COLEC10: variants seen among roughly 807,000 people sequenced by gnomAD.
The protein encoded by COLEC10 is collectin subfamily member 10.
A neutral mutation model predicts 28.4 loss-of-function variants in COLEC10; 22 were observed. The observed-to-expected ratio is 0.78, with a 90% confidence interval of 0.55 to 1.11. The LOEUF is 1.11. Among genes scored for constraint, COLEC10 ranks in the 50% least tolerant of loss-of-function variants. The pLI is 0.00. For missense variants in COLEC10, 361 were observed against 344.1 expected, an observed-to-expected ratio of 1.05 and a Z score of -0.39; for synonymous variants, 125 against 116.1, an observed-to-expected ratio of 1.08 and a Z score of -0.49.
chr8:119,077,687 G>A (rs1563736559), intron 1 of COLEC10, among the ~76,000 whole-genome samples: 1 of 152,186 alleles, frequency 6.6e-6, no homozygotes, highest in African/African-American at 2.4e-5. Context: ...AATGGAGGAG[G>A]AACTAACTAA....
intron 2 of COLEC10, among the ~76,000 whole-genome samples, chr8:119,025,258 C>T (rs777444472): frequency 4.6e-5 from 7 of 152,166 alleles, no homozygotes; most frequent in Non-Finnish European, 8.8e-5. Context: ...CTGAAATGTT[C>T]CAGTCTTCAA....
the COLEC10 span, among the ~76,000 whole-genome samples, chr8:118,957,949 C>T: frequency 2.9e-4 from 44 of 152,280 alleles, no homozygotes; most frequent in African/African-American, 8.7e-4. Flanking sequence ...AATTGCCTGC[C>T]TGGAGAGAGT....
At position 119,108,261 on chromosome 8, in the gene COLEC10, C is replaced by T. The variant is rs1163373240; in HGVS notation, c.*2070C>T. ...CATGAGGAATGAAAACCTAGAAACA[C>T]CTGTAGGAAAATAAAGCTCATATGT... On this transcript the variant is annotated 3_prime_UTR_variant, in exon 6 of 6. Transcript: ENST00000332843. Among the ~76,000 whole-genome samples the T allele has an allele frequency of 6.6e-6, 1 of 152,066 alleles. No individual in the cohort carries two copies. Among genetic ancestry groups the T allele is most frequent in the East Asian group, 1.9e-4 (1 of 5,190 alleles).
chr8:119,062,704 T>C (rs1814880489), upstream of COLEC10, among the ~76,000 whole-genome samples: 1 of 152,146 alleles, frequency 6.6e-6, no homozygotes, highest in South Asian at 2.1e-4. Context: ...GGTCTTGAAC[T>C]CTTAACCTCA....
chr8:118,957,424 T>C, the COLEC10 span, among the ~76,000 whole-genome samples: 1 of 152,274 alleles, frequency 6.6e-6, no homozygotes, highest in East Asian at 1.9e-4. Context: ...CCCCTTTTGA[T>C]CAGACAATGG....
At chr8:118,960,714 G>C in the COLEC10 span, among the ~76,000 whole-genome samples, 1 of 151,530 alleles carries the variant, frequency 6.6e-6, no homozygotes, top group Non-Finnish European at 1.5e-5. Flanking sequence ...GAACCGGTGG[G>C]GGGTGGAGGT....
chr8:119,032,206 T>C (rs1814301011), intron 2 of COLEC10, among the ~76,000 whole-genome samples: 1 of 152,226 alleles, frequency 6.6e-6, no homozygotes, highest in Non-Finnish European at 1.5e-5. Context: ...AATAGTCACA[T>C]CACCCTTATC....
chr8:118,966,306 A>G, the COLEC10 span, among the ~76,000 whole-genome samples: 2 of 152,200 alleles, frequency 1.3e-5, no homozygotes, highest in Admixed American at 6.5e-5. Flanking sequence ...CAAACCAGAC[A>G]TTAACATTTT....
intron 2 of COLEC10, among the ~76,000 whole-genome samples, chr8:119,021,079 C>G (rs16891854): frequency 0.044 from 6,694 of 152,172 alleles, 216 homozygotes; most frequent in East Asian, 0.16. Flanking sequence ...CAGTAAGCAA[C>G]ATTTTAAGGA....
intron 2 of COLEC10, among the ~76,000 whole-genome samples, chr8:119,021,819 A>C (rs1814103048): frequency 6.6e-6 from 1 of 152,160 alleles, no homozygotes. Context: ...GTGGTATGAC[A>C]TGGGGGAAAT....
At chr8:119,055,949 G>A (rs1407667037) in intron 2 of COLEC10, among the ~76,000 whole-genome samples, 1 of 151,838 alleles carries the variant, frequency 6.6e-6, no homozygotes, top group East Asian at 1.9e-4. Context: ...TGTACCTCTG[G>A]CTGGAATTTT....
chr8:119,068,421 C>T (rs1815017297), intron 1 of COLEC10: 1 of 152,048 alleles, frequency 6.6e-6, no homozygotes, highest in South Asian at 2.1e-4. Flanking sequence ...TTAGAGCTTC[C>T]AAATAATTTC....
At chr8:119,084,328 G>A (rs1179647728) in intron 1 of COLEC10, among the ~76,000 whole-genome samples, 2 of 152,136 alleles carry the variant, frequency 1.3e-5, no homozygotes, top group African/African-American at 4.8e-5. Flanking sequence ...CCTCCCCTGG[G>A]CTTCATCAAT....
chr8:119,090,053 T>C (rs1306963317), intron 2 of COLEC10, among the ~76,000 whole-genome samples: 1 of 151,978 alleles, frequency 6.6e-6, no homozygotes, highest in South Asian at 2.1e-4. Flanking sequence ...GCTGTGTTCA[T>C]AGCTGTGTCT....
chr8:119,021,671 G>T (rs1023662297), intron 2 of COLEC10, among the ~76,000 whole-genome samples: 11 of 152,138 alleles, frequency 7.2e-5, no homozygotes, highest in Non-Finnish European at 1.5e-5. Context: ...TTAAATAGAG[G>T]AATGTTCTTC....
chr8:118,996,934 T>G (rs1391661815), intron 1 of COLEC10, among the ~76,000 whole-genome samples: 1 of 151,998 alleles, frequency 6.6e-6, no homozygotes, highest in African/African-American at 2.4e-5. Flanking sequence ...ACTATCAGAG[T>G]GAGAACTCAC....
the COLEC10 span, among the ~76,000 whole-genome samples, chr8:118,986,732 T>G: frequency 2.7e-3 from 407 of 152,280 alleles, 6 homozygotes; most frequent in African/African-American, 9.0e-3. Flanking sequence ...TACTGATGCA[T>G]TCTACATTGT....
At chr8:119,016,460 T>A (rs530694590) in intron 2 of COLEC10, among the ~76,000 whole-genome samples, 4 of 152,122 alleles carry the variant, frequency 2.6e-5, no homozygotes, top group Admixed American at 2.0e-4. Flanking sequence ...AAGTCTTCGC[T>A]CTTGTAAATA....
intron 2 of COLEC10, among the ~76,000 whole-genome samples, chr8:119,025,493 C>T (rs1017251698): frequency 6.6e-6 from 1 of 152,134 alleles, no homozygotes; most frequent in African/African-American, 2.4e-5. Context: ...GAACTTCTTA[C>T]CTGAAACAGT....
Sources: gnomAD v4.1 joint callset for allele counts (sites outside exome capture counted in the v4.1 genomes callset) on GRCh38, gnomAD v4.1.1 for gene constraint, MANE v1.5 for transcripts, NCBI Gene and HGNC (gene_info 2026-07-23, HGNC 2026-07-21) for gene names.